The following GNA14 variants were observed in gnomAD, a reference collection of about 807,000 sequenced individuals.
The protein encoded by GNA14 is G protein subunit alpha 14.
GNA14 carries 50 observed loss-of-function variants against 42.0 expected under a neutral mutation model. The ratio of observed to expected loss-of-function variants is 1.19; its 90% CI spans 0.95 to 1.51. GNA14 has a LOEUF of 1.51. Among genes scored for constraint, GNA14 ranks in the 40% most tolerant of loss-of-function variants. The pLI is 0.00. For missense variants in GNA14, 473 were observed against 446.2 expected (o/e 1.06, Z -0.54); for synonymous variants, 173 against 163.1 (o/e 1.06, Z -0.46).
At chr9:77,630,301 A>T (rs1251633062) in intron 1 of GNA14, among the ~76,000 whole-genome samples, 1 of 152,040 alleles carries the variant, frequency 6.6e-6, no homozygotes, top group Non-Finnish European at 1.5e-5. Context: ...CACTTTTTGT[A>T]GAGATGCGGT....
intron 2 of GNA14, among the ~76,000 whole-genome samples, chr9:77,512,433 C>A (rs1383940859): frequency 1.3e-5 from 2 of 152,156 alleles, no homozygotes; most frequent in Non-Finnish European, 2.9e-5. Flanking sequence ...ATTAAGATGA[C>A]TTACCTCTGC....
chr9:77,487,090 T>C lies in GNA14; in HGVS notation c.309+41979A>G, dbSNP rs1202128818. Among the ~76,000 whole-genome samples, 5 of 151,998 alleles carry C rather than the reference T, an allele frequency of 3.3e-5. No individual in the cohort carries two copies. In the South Asian group the frequency reaches 1.0e-3, roughly 32 times the overall value. ...AGCATAGAATGAGGTATGCTTGTAT[T>C]ATGTTTTTTCATCTGATGACTGAAA... On this transcript the variant is annotated intron_variant, in intron 2 of 6. Transcript: ENST00000341700.
chr9:77,462,198 G>C (rs985395623), intron 2 of GNA14, among the ~76,000 whole-genome samples: 1 of 152,052 alleles, frequency 6.6e-6, no homozygotes, highest in Non-Finnish European at 1.5e-5. Flanking sequence ...TCTTTGCCCC[G>C]CAGCTCTTTG....
At chr9:77,536,100 AG>A (rs1415291275) in intron 1 of GNA14, among the ~76,000 whole-genome samples, 1 of 152,096 alleles carries the variant, frequency 6.6e-6, no homozygotes, top group African/African-American at 2.4e-5. Flanking sequence ...TCGCAAATAG[AG>A]GAGGTGCTAT....
Position 77,428,936 on chromosome 9 carries a change from C to G in GNA14, c.694G>C (p.Asp232His), listed in dbSNP as rs1051641102. 4.3e-6 allele frequency: 7 copies of G among 1,613,892 alleles called. No individual in the cohort carries two copies. The highest frequency in any genetic ancestry group is 1.6e-4 in the Middle Eastern group (1 of 6,082). ...TTGTCACACTCAGCCAGGACCTGGT[C>G]ATATTCACTCAGAGCAACCAAGAAA... ...IIFLVALSEY[D>H]QVLAECDNEN... is the part of the protein sequence containing the mutation. The change falls in exon 5 of 7, where the codon GAC (aspartate) becomes CAC (histidine). Residue 232 changes from aspartate to histidine, a missense_variant. Coordinates refer to ENST00000341700, the MANE Select transcript of GNA14 (RefSeq NM_004297.4).
chr9:77,458,909 G>GGGGC (rs1564020482), intron 2 of GNA14, among the ~76,000 whole-genome samples: 2 of 151,098 alleles, frequency 1.3e-5, no homozygotes, highest in Non-Finnish European at 3.0e-5. Context: ...GCTGGAGGGG[G>GGGGC]GGGGGTTGTC....
intron 2 of GNA14, among the ~76,000 whole-genome samples, chr9:77,461,050 A>G (rs543783919): frequency 6.6e-6 from 1 of 152,368 alleles, no homozygotes; most frequent in East Asian, 1.9e-4. Context: ...ATTAGCTGTG[A>G]TAAGTGGCAG....
intron 1 of GNA14, among the ~76,000 whole-genome samples, chr9:77,530,191 T>C (rs1418050249): frequency 2.0e-5 from 3 of 152,172 alleles, no homozygotes; most frequent in Non-Finnish European, 2.9e-5. Flanking sequence ...TGGTGGGAGA[T>C]GACTCGATCA....
At chr9:77,607,797 G>A (rs1237007595) in intron 1 of GNA14, among the ~76,000 whole-genome samples, 5 of 152,208 alleles carry the variant, frequency 3.3e-5, no homozygotes, top group Admixed American at 3.3e-4. Context: ...TTCTTACTGT[G>A]TCCTCACATG....
intron 1 of GNA14, among the ~76,000 whole-genome samples, chr9:77,543,053 G>A (rs1837678867): frequency 1.3e-5 from 2 of 152,232 alleles, no homozygotes; most frequent in African/African-American, 2.4e-5. Flanking sequence ...GAAACTCACA[G>A]TTTGCTGGCA....
intron 1 of GNA14, among the ~76,000 whole-genome samples, chr9:77,610,482 G>C (rs1452157229): frequency 6.6e-6 from 1 of 152,132 alleles, no homozygotes; most frequent in Non-Finnish European, 1.5e-5. Context: ...TTTTATAAGA[G>C]CACTAATTCC....
intron 2 of GNA14, among the ~76,000 whole-genome samples, chr9:77,504,831 A>G (rs1587804968): frequency 6.6e-6 from 1 of 151,626 alleles, no homozygotes; most frequent in South Asian, 2.1e-4. Context: ...CCACACCTGG[A>G]TAATTTTTGT....
At chr9:77,600,873 C>T (rs1177407917) in intron 1 of GNA14, among the ~76,000 whole-genome samples, 2 of 152,176 alleles carry the variant, frequency 1.3e-5, no homozygotes, top group Admixed American at 6.5e-5. Context: ...GCGCCAAGAT[C>T]GCGCCATTGC....
chr9:77,551,221 ATATAT>A (rs1303057564), intron 1 of GNA14, among the ~76,000 whole-genome samples: 2 of 152,148 alleles, frequency 1.3e-5, no homozygotes, highest in African/African-American at 4.8e-5. Context: ...ACACAGTTTG[ATATAT>A]TATACATTCT....
chr9:77,452,044 C>G (rs1054672055), intron 2 of GNA14, among the ~76,000 whole-genome samples: 5 of 152,118 alleles, frequency 3.3e-5, no homozygotes, highest in African/African-American at 1.2e-4. Context: ...ACACCGCATC[C>G]CAGGGGAAGC....
chr9:77,445,100 C>T (rs772274030), intron 2 of GNA14, among the ~76,000 whole-genome samples: 1 of 152,196 alleles, frequency 6.6e-6, no homozygotes, highest in Non-Finnish European at 1.5e-5. Flanking sequence ...ACTAGTACTT[C>T]CCACTAGAGG....
chr9:77,638,053 T>C (rs1221659010), intron 1 of GNA14, among the ~76,000 whole-genome samples: 1 of 152,230 alleles, frequency 6.6e-6, no homozygotes, highest in Non-Finnish European at 1.5e-5. Flanking sequence ...GCTTGTTCTA[T>C]CTGTAACATG....
At chr9:77,501,127 A>G (rs1022774709) in intron 2 of GNA14, among the ~76,000 whole-genome samples, 7 of 151,940 alleles carry the variant, frequency 4.6e-5, no homozygotes, top group Non-Finnish European at 8.8e-5. Flanking sequence ...GCTAATTTTT[A>G]TATTTTTAGT....
chr9:77,570,616 A>C (rs1023185937), intron 1 of GNA14, among the ~76,000 whole-genome samples: 9 of 152,104 alleles, frequency 5.9e-5, no homozygotes, highest in African/African-American at 2.2e-4. Flanking sequence ...GCTATTCCAC[A>C]CATTTTGTTT....
Sources: gnomAD v4.1 joint callset for allele counts (sites outside exome capture counted in the v4.1 genomes callset) on GRCh38, gnomAD v4.1.1 for gene constraint, MANE v1.5 for transcripts, NCBI Gene and HGNC (gene_info 2026-07-23, HGNC 2026-07-21) for gene names.